KIDINS220: variants seen among roughly 807,000 people sequenced by gnomAD.
KIDINS220 encodes kinase D interacting substrate 220.
In KIDINS220, 63 loss-of-function variants were observed where a neutral mutation model predicts 157.6. The ratio of observed to expected loss-of-function variants is 0.40; its 90% CI spans 0.33 to 0.49. The LOEUF is 0.49. KIDINS220 is among the 20% of genes least tolerant of loss of function. KIDINS220 has a pLI of 0.66. For missense variants in KIDINS220, 1,772 were observed against 2,171.2 expected, an observed-to-expected ratio of 0.82 and a Z score of 3.65; for synonymous variants, 732 against 783.6, an observed-to-expected ratio of 0.93 and a Z score of 1.10.
chr2:8,782,990 G>C (rs993829630), intron 17 of KIDINS220, among the ~76,000 whole-genome samples: 2 of 152,210 alleles, frequency 1.3e-5, no homozygotes, highest in South Asian at 4.1e-4. Flanking sequence ...CTGAGGTCAG[G>C]AGTTCAAGAC....
Position 8,739,033 on chromosome 2 carries a change from G to A in KIDINS220, c.3586-2034C>T, listed in dbSNP as rs1348407284. ...AATAGACACGGATCAAATTAATCCTGTCAGCTTTGGAGGGAAAAATGTAAA... is the reference window on the plus strand; with the variant it reads ...AATAGACACGGATCAAATTAATCCTATCAGCTTTGGAGGGAAAAATGTAAA... On this transcript the variant is annotated intron_variant, in intron 26 of 29. Coordinates refer to ENST00000256707, the MANE Select transcript of KIDINS220 (RefSeq NM_020738.4). 3.9e-5 allele frequency among the ~76,000 whole-genome samples: 6 copies of A among 152,274 alleles called. No individual in the cohort carries two copies. In the East Asian group the frequency reaches 1.2e-3, roughly 29 times the overall value.
chr2:8,793,108 GA>G (rs1465756306), intron 12 of KIDINS220, among the ~76,000 whole-genome samples: 1 of 152,004 alleles, frequency 6.6e-6, no homozygotes, highest in East Asian at 1.9e-4. Context: ...GGGTAATGGG[GA>G]ATTTTCACTT....
rs1002131232 is a variant in KIDINS220, at chr2:8,802,866, A to C, written c.801+64T>G. 7 of 1,297,500 alleles carry C rather than the reference A, an allele frequency of 5.4e-6. No homozygotes were observed. The African/African-American group carries it at 1.0e-4, about 19-fold the overall frequency. The allele number at this position is 1,297,500 out of a possible 1,614,324, so 80.4% of individuals were successfully genotyped here. A position where few individuals can be genotyped will look rare whatever the true frequency, so the allele number is the denominator to read the frequency against. Reference sequence around the variant, plus strand: ...TGCATGAGAATCTTGAAAGGTAATAAGACACTAAGGTCACCTTTCATCCAC... The same window carrying C: ...TGCATGAGAATCTTGAAAGGTAATACGACACTAAGGTCACCTTTCATCCAC... On this transcript the variant is annotated intron_variant, in intron 8 of 29. Coordinates refer to ENST00000256707, the MANE Select transcript of KIDINS220 (RefSeq NM_020738.4).
At chr2:8,807,126 G>A (rs904432114) in intron 6 of KIDINS220, among the ~76,000 whole-genome samples, 1 of 152,166 alleles carries the variant, frequency 6.6e-6, no homozygotes, top group Admixed American at 6.5e-5. Flanking sequence ...TTTCACAGAT[G>A]AGGACACTGA....
At chr2:8,830,088 G>A (rs1679390525) in intron 1 of KIDINS220, among the ~76,000 whole-genome samples, 1 of 152,076 alleles carries the variant, frequency 6.6e-6, no homozygotes, top group Admixed American at 6.6e-5. Flanking sequence ...GAGTCACACA[G>A]CTACCATTTT....
At chr2:8,799,442 C>T (rs1310595256) in intron 9 of KIDINS220, among the ~76,000 whole-genome samples, 1 of 151,914 alleles carries the variant, frequency 6.6e-6, no homozygotes, top group Non-Finnish European at 1.5e-5. Context: ...AGGCTCTTCA[C>T]CTACCTAAAT....
intron 17 of KIDINS220, among the ~76,000 whole-genome samples, chr2:8,782,517 G>A (rs1005185045): frequency 5.9e-5 from 9 of 152,292 alleles, no homozygotes; most frequent in Non-Finnish European, 2.9e-5. Flanking sequence ...ATCTATTGAA[G>A]AAATTGCATC....
At chr2:8,783,617 CAA>C (rs76009848) in intron 17 of KIDINS220, among the ~76,000 whole-genome samples, 16,987 of 152,010 alleles carry the variant, frequency 0.11, 1,011 homozygotes, top group Middle Eastern at 0.2. Context: ...CTGGGACTAA[CAA>C]ACAATTATAG....
chr2:8,776,988 A>G, intron 20 of KIDINS220, 96 bp from the exon 21 acceptor site: 1 of 1,368,728 alleles, frequency 7.3e-7, no homozygotes, highest in South Asian at 1.5e-5. Flanking sequence ...AACAAAAAAA[A>G]AATCCAAAGT....
chr2:8,833,925 A>G (rs1217910303), intron 1 of KIDINS220, among the ~76,000 whole-genome samples: 2 of 152,176 alleles, frequency 1.3e-5, no homozygotes, highest in East Asian at 1.9e-4. Context: ...GACGCACCCT[A>G]TAACTTTTCT....
intron 22 of KIDINS220, chr2:8,757,565 G>A: frequency 6.6e-7 from 1 of 1,514,608 alleles, no homozygotes; most frequent in Non-Finnish European, 8.8e-7. Context: ...ATGAAGGCCA[G>A]TACCTCTGGT....
At chr2:8,749,863 A>G (rs1667061658) in intron 24 of KIDINS220, among the ~76,000 whole-genome samples, 1 of 152,188 alleles carries the variant, frequency 6.6e-6, no homozygotes, top group South Asian at 2.1e-4. Context: ...TGTGGAGTCC[A>G]TTTACTTATC....
At chr2:8,786,719 C>T (rs1321620268) in intron 15 of KIDINS220, among the ~76,000 whole-genome samples, 2 of 152,090 alleles carry the variant, frequency 1.3e-5, no homozygotes, top group African/African-American at 2.4e-5. Context: ...GATGTGGCCA[C>T]CAAGAGTTGC....
intron 29 of KIDINS220, 60 bp downstream of exon 29, chr2:8,733,384 C>A: frequency 7.3e-7 from 1 of 1,361,232 alleles, no homozygotes. Flanking sequence ...CATATAATCT[C>A]AGTGAACTGA....
At chr2:8,764,892 T>C (rs917996407) in intron 22 of KIDINS220, among the ~76,000 whole-genome samples, 3 of 152,228 alleles carry the variant, frequency 2.0e-5, no homozygotes, top group Non-Finnish European at 4.4e-5. Flanking sequence ...TCATGAAGTG[T>C]ATAGTCTCAT....
Position 8,730,057 on chromosome 2 carries a change from C to A in KIDINS220, c.*663G>T, listed in dbSNP as rs1663817389. ...CATATAAACCCACGGAGGTCACCAGCCCTCCCCGCATCTACTCTCCTAACA... is the reference window on the plus strand; with the variant it reads ...CATATAAACCCACGGAGGTCACCAGACCTCCCCGCATCTACTCTCCTAACA... On this transcript the variant is annotated 3_prime_UTR_variant, in exon 30 of 30. Coordinates refer to ENST00000256707, the MANE Select transcript of KIDINS220 (RefSeq NM_020738.4). The A allele has an allele frequency of 1.0e-6, 1 of 985,480 alleles. No individual in the cohort carries two copies. 61.0% of individuals were successfully genotyped at this position (985,480 alleles called of 1,614,324 possible).
At chr2:8,747,479 G>C in intron 25 of KIDINS220, 1 of 496,622 alleles carries the variant, frequency 2.0e-6, no homozygotes, top group East Asian at 3.6e-5. Flanking sequence ...CCTGCCATTT[G>C]ATTGAAATGT....
intron 21 of KIDINS220, among the ~76,000 whole-genome samples, chr2:8,772,347 G>C (rs1670344266): frequency 6.6e-6 from 1 of 151,920 alleles, no homozygotes; most frequent in Admixed American, 6.6e-5. Flanking sequence ...GTGGTGGCAG[G>C]CACCTGCAGT....
At chr2:8,748,826 T>C (rs972136187) in intron 24 of KIDINS220, among the ~76,000 whole-genome samples, 1 of 152,210 alleles carries the variant, frequency 6.6e-6, no homozygotes, top group Non-Finnish European at 1.5e-5. Context: ...TTAAAAATGA[T>C]AAAATACTAT....
Sources: gnomAD v4.1 joint callset for allele counts (sites outside exome capture counted in the v4.1 genomes callset) on GRCh38, gnomAD v4.1.1 for gene constraint, MANE v1.5 for transcripts, NCBI Gene and HGNC (gene_info 2026-07-23, HGNC 2026-07-21) for gene names.